The following ZNF782 variants were observed in gnomAD, a reference collection of about 807,000 sequenced individuals.
ZNF782 encodes the protein zinc finger protein 782.
A neutral mutation model predicts 13.0 loss-of-function variants in ZNF782; 12 were observed. That is an observed-to-expected ratio of 0.92 (90% CI 0.59 to 1.50). The LOEUF (loss-of-function observed/expected upper bound fraction) is 1.50. Among genes scored for constraint, ZNF782 ranks in the 40% most tolerant of loss-of-function variants. The pLI, the probability that ZNF782 is intolerant of heterozygous loss-of-function variation, is 0.00. For missense variants in ZNF782, 770 were observed against 822.9 expected (o/e 0.94, Z 0.79); for synonymous variants, 284 against 283.0 (o/e 1.00, Z -0.04).
chr9:96,907,499 A>G, the ZNF782 span, among the ~76,000 whole-genome samples: 3 of 152,298 alleles, frequency 2.0e-5, no homozygotes, highest in African/African-American at 4.8e-5. Flanking sequence ...TGTTACATGT[A>G]GTTTACCGCA....
chr9:96,873,369 T>G (rs1375309631), intron 1 of ZNF782, among the ~76,000 whole-genome samples: 1 of 152,084 alleles, frequency 6.6e-6, no homozygotes, highest in Non-Finnish European at 1.5e-5. Flanking sequence ...AAAAACTAGT[T>G]TGGGAGAGGG....
In ZNF782 at chr9:96,819,278, C is replaced by A; in HGVS notation, c.745G>T (p.Gly249Trp). ...KGKSYNFNKF[G>W]ENKYDKSTFI... ...GTTGATTTATCATATTTGTTTTCCC[C>A]AAATTTATTGAAATTGTAAGATTTT... The change falls in exon 6 of 6, where the codon GGG (glycine) becomes TGG (tryptophan). Residue 249 changes from glycine to tryptophan, a missense_variant. By Grantham distance (184) the Gly-to-Trp change is radical. Transcript: ENST00000481138. 1 of 1,613,146 alleles carries A rather than the reference C, an allele frequency of 6.2e-7. No individual in the cohort carries two copies. Among genetic ancestry groups the A allele is most frequent in the Non-Finnish European group, 8.5e-7 (1 of 1,179,768 alleles).
chr9:96,857,048 G>A (rs1357059193), upstream of ZNF782, among the ~76,000 whole-genome samples: 1 of 152,126 alleles, frequency 6.6e-6, no homozygotes, highest in African/African-American at 2.4e-5. Flanking sequence ...TATATAGAAG[G>A]GTAAGTTTTT....
chr9:96,896,115 G>C, the ZNF782 span: 2 of 152,190 alleles, frequency 1.3e-5, no homozygotes, highest in South Asian at 2.1e-4. Flanking sequence ...ATCAATTTCA[G>C]CTGCTGTTCC....
At position 96,818,605 on chromosome 9, in the gene ZNF782, G is replaced by C; in HGVS notation, c.1418C>G (p.Thr473Arg). 1 of 1,614,156 alleles carries C rather than the reference G, an allele frequency of 6.2e-7. No homozygotes were observed. Among genetic ancestry groups the C allele is most frequent in the Non-Finnish European group, 8.5e-7 (1 of 1,180,006 alleles). Residue 473 changes from threonine (T) to arginine (R), a missense_variant, in exon 6 of 6, where the codon ACA becomes AGA. By Grantham distance (71) the Thr-to-Arg change is moderately conservative (BLOSUM62 -1). Coordinates refer to ENST00000481138, the MANE Select transcript of ZNF782 (RefSeq NM_001001662.3). ...SILIVHQRTH[T>R]GEKPFECNEC... ...ATTACATTCAAAAGGTTTCTCCCCT[G>C]TGTGAGTTCTCTGATGCACTATGAG...
the ZNF782 span, among the ~76,000 whole-genome samples, chr9:96,885,027 T>TA: frequency 6.6e-6 from 1 of 151,958 alleles, no homozygotes; most frequent in African/African-American, 2.4e-5. Flanking sequence ...ATTGCAATTT[T>TA]AAAAAAGATT....
chr9:96,931,875 C>A, the ZNF782 span: 1 of 1,612,464 alleles, frequency 6.2e-7, no homozygotes, highest in Non-Finnish European at 8.5e-7. Flanking sequence ...CTGGTGCTCT[C>A]TGCCTTCCCC....
the ZNF782 span, among the ~76,000 whole-genome samples, chr9:96,920,820 G>A: frequency 6.7e-6 from 1 of 150,350 alleles, no homozygotes; most frequent in South Asian, 2.1e-4. Flanking sequence ...GAGGCTGAGG[G>A]AGGAGAATCG....
At chr9:96,912,216 A>C in the ZNF782 span, among the ~76,000 whole-genome samples, 3 of 149,360 alleles carry the variant, frequency 2.0e-5, no homozygotes, top group African/African-American at 7.3e-5. Context: ...AAAAAAAAAA[A>C]AAAAACTAAC....
At chr9:96,857,049 G>A (rs1269401653), upstream of ZNF782, among the ~76,000 whole-genome samples, 3 of 152,174 alleles carry the variant, frequency 2.0e-5, no homozygotes, top group Non-Finnish European at 4.4e-5. Flanking sequence ...ATATAGAAGG[G>A]TAAGTTTTTG....
chr9:96,905,749 C>A, the ZNF782 span, among the ~76,000 whole-genome samples: 1 of 152,240 alleles, frequency 6.6e-6, no homozygotes, highest in Non-Finnish European at 1.5e-5. Flanking sequence ...CTATGCCCAG[C>A]TAATTTTTGT....
the ZNF782 span, among the ~76,000 whole-genome samples, chr9:96,924,916 C>T: frequency 3.3e-5 from 5 of 152,364 alleles, no homozygotes; most frequent in East Asian, 7.7e-4. Context: ...GGACCGCTCC[C>T]GCCTTGAGCG....
intron 4 of ZNF782, among the ~76,000 whole-genome samples, chr9:96,833,354 T>C (rs1229535516): frequency 6.6e-6 from 1 of 152,220 alleles, no homozygotes. Context: ...TCATCCAAGA[T>C]CCCACATTAC....
In ZNF782 at chr9:96,819,538, G is replaced by C. The variant is rs567511488; in HGVS notation, c.485C>G (p.Ala162Gly). The C allele has an allele frequency of 6.2e-7, 1 of 1,612,614 alleles. No individual in the cohort carries two copies. The highest frequency in any genetic ancestry group is 1.7e-5 in the Admixed American group (1 of 59,716). ...APHCQYSKEK[A>G]HERNVCDKWL... ...TTTGTCACAAACATTACGCTCATGAGCCTTTTCTTTTGAATACTGACAGTG... is the reference window on the plus strand; with the variant it reads ...TTTGTCACAAACATTACGCTCATGACCCTTTTCTTTTGAATACTGACAGTG... The change falls in exon 6 of 6, where the codon GCT (alanine) becomes GGT (glycine). Residue 162 changes from alanine (A) to glycine (G), a missense_variant. Coordinates refer to ENST00000481138, the MANE Select transcript of ZNF782 (RefSeq NM_001001662.3).
chr9:96,904,003 C>A, the ZNF782 span, among the ~76,000 whole-genome samples: 1 of 151,706 alleles, frequency 6.6e-6, no homozygotes, highest in Admixed American at 6.6e-5. Flanking sequence ...GAAATGTGTG[C>A]AAGTTCTAGT....
intron 1 of ZNF782, among the ~76,000 whole-genome samples, chr9:96,866,707 A>G (rs967445758): frequency 6.6e-6 from 1 of 152,182 alleles, no homozygotes; most frequent in East Asian, 1.9e-4. Flanking sequence ...ATGCCAGCCC[A>G]TGAAGGCAGC....
chr9:96,848,387 G>C (rs1213706863), intron 3 of ZNF782, among the ~76,000 whole-genome samples: 8 of 152,162 alleles, frequency 5.3e-5, no homozygotes. Flanking sequence ...GCTGTTTGTA[G>C]ATGATATGAT....
the ZNF782 span, among the ~76,000 whole-genome samples, chr9:96,926,762 T>C: frequency 2.0e-5 from 3 of 152,144 alleles, no homozygotes; most frequent in South Asian, 2.1e-4. Context: ...CAGTGTGGCC[T>C]GTTACGTTTT....
the ZNF782 span, among the ~76,000 whole-genome samples, chr9:96,924,834 TC>T: frequency 6.6e-6 from 1 of 152,068 alleles, no homozygotes; most frequent in African/African-American, 2.4e-5. Flanking sequence ...TTGTTAAACC[TC>T]CCCCTTCACT....
Sources: allele counts gnomAD v4.1 joint callset (sites outside exome capture counted in the v4.1 genomes callset), GRCh38; gene constraint gnomAD v4.1.1; transcripts MANE v1.5; gene names NCBI Gene and HGNC (gene_info 2026-07-23, HGNC 2026-07-21).